C1QTNF3: variants seen among roughly 807,000 people sequenced by gnomAD.
The protein encoded by C1QTNF3 is complement C1q tumor necrosis factor-related protein 3.
A neutral mutation model predicts 32.6 loss-of-function variants in C1QTNF3; 26 were observed. The observed-to-expected ratio is 0.80, with a 90% CI of 0.58 to 1.11. C1QTNF3 has a LOEUF of 1.11. Ranked by LOEUF, C1QTNF3 falls within the 50% of genes least tolerant of loss-of-function variation. The probability of loss-of-function intolerance (pLI) is 0.00; values close to 1 mark genes in which losing one functional copy is unlikely to be tolerated. For missense variants in C1QTNF3, 362 were observed against 398.2 expected (o/e 0.91, Z 0.77); for synonymous variants, 155 against 146.0 (o/e 1.06, Z -0.44).
At chr5:34,155,342 G>A in the C1QTNF3 span, among the ~76,000 whole-genome samples, 1 of 152,236 alleles carries the variant, frequency 6.6e-6, no homozygotes, top group Middle Eastern at 3.4e-3. Context: ...ACTTCTTAAG[G>A]ATAAATAACC....
At chr5:34,056,606 G>A in the C1QTNF3 span, among the ~76,000 whole-genome samples, 32 of 150,936 alleles carry the variant, frequency 2.1e-4, no homozygotes, top group African/African-American at 5.6e-4. Context: ...TTGACCTCCC[G>A]GGCTCAAGTG....
In C1QTNF3 at chr5:34,019,060, G is replaced by A. The variant is rs571228386; in HGVS notation, c.*1523C>T. Among the ~76,000 whole-genome samples, 4 of 152,128 alleles carry A rather than the reference G, an allele frequency of 2.6e-5. No individual in the cohort carries two copies. The highest frequency in any genetic ancestry group is 1.9e-4 in the East Asian group (1 of 5,168). ...GGAGAGTCACTTGAACCCAGGAGGC[G>A]GAGGCTGCGGTGAGCTGAGATCATG... On this transcript the variant is annotated 3_prime_UTR_variant, in exon 6 of 6. Coordinates refer to ENST00000382065, the MANE Select transcript of C1QTNF3 (RefSeq NM_181435.6).
the C1QTNF3 span, among the ~76,000 whole-genome samples, chr5:34,095,146 CTA>C: frequency 6.6e-6 from 1 of 151,862 alleles, no homozygotes; most frequent in African/African-American, 2.4e-5. Flanking sequence ...TTTTTGTGAA[CTA>C]TAGTCACTCT....
In C1QTNF3 at chr5:34,020,618, T is replaced by C. The variant is rs1335792314; in HGVS notation, c.925A>G (p.Thr309Ala). 1 of 1,614,226 alleles carries C rather than the reference T, an allele frequency of 6.2e-7. No homozygotes were observed. Among genetic ancestry groups the C allele is most frequent in the Non-Finnish European group, 8.5e-7 (1 of 1,180,034 alleles). The change falls in exon 6 of 6, where the codon ACC becomes GCC. Residue 309 changes from threonine to alanine, a missense_variant. Thr to Ala is a moderately conservative substitution (Grantham distance 58). Coordinates refer to ENST00000382065, the MANE Select transcript of C1QTNF3 (RefSeq NM_181435.6). Reference protein sequence around the residue: ...ALHGDHQRFSTFAGFLLFETK With the variant: ...ALHGDHQRFSAFAGFLLFETK ...TCAAAGAGCAGGAATCCTGCAAAGG[T>C]GGAGAAGCGTTGGTGGTCCCCATGG...
chr5:34,091,476 T>C, the C1QTNF3 span, among the ~76,000 whole-genome samples: 2 of 152,278 alleles, frequency 1.3e-5, no homozygotes, highest in African/African-American at 2.4e-5. Flanking sequence ...TGTTTTTTAC[T>C]ATTTATAACC....
chr5:34,046,103 C>T (rs1004082315), upstream of C1QTNF3, among the ~76,000 whole-genome samples: 2 of 152,128 alleles, frequency 1.3e-5, no homozygotes, highest in African/African-American at 2.4e-5. Flanking sequence ...AAGAAAAACA[C>T]AATGTAAGTT....
chr5:34,060,067 A>T, the C1QTNF3 span, among the ~76,000 whole-genome samples: 3 of 152,232 alleles, frequency 2.0e-5, no homozygotes, highest in African/African-American at 7.2e-5. Flanking sequence ...AGACACAATC[A>T]GTGCACAGAA....
the C1QTNF3 span, among the ~76,000 whole-genome samples, chr5:34,153,865 A>C: frequency 1.0e-3 from 157 of 150,028 alleles, 1 homozygote; most frequent in Middle Eastern, 3.4e-3. Context: ...AAAAAAAAAA[A>C]AAAAAAAAAA....
the C1QTNF3 span, among the ~76,000 whole-genome samples, chr5:34,203,618 G>A: frequency 1.3e-5 from 2 of 151,474 alleles, no homozygotes; most frequent in Admixed American, 6.6e-5. Flanking sequence ...CCTGCAAGAC[G>A]GAGTTTGCAG....
At chr5:34,235,552 T>C in the C1QTNF3 span, among the ~76,000 whole-genome samples, 31 of 147,948 alleles carry the variant, frequency 2.1e-4, no homozygotes, top group Admixed American at 5.3e-4. Flanking sequence ...TTTTCTTTTT[T>C]TTTTTTTTTT....
At chr5:34,143,327 G>C in the C1QTNF3 span, among the ~76,000 whole-genome samples, 1 of 152,172 alleles carries the variant, frequency 6.6e-6, no homozygotes, top group South Asian at 2.1e-4. Context: ...GGGAGAAAAG[G>C]AGAAAGAATG....
At chr5:34,077,130 G>GT in the C1QTNF3 span, among the ~76,000 whole-genome samples, 1 of 151,436 alleles carries the variant, frequency 6.6e-6, no homozygotes, top group Non-Finnish European at 1.5e-5. Flanking sequence ...TATTACTATT[G>GT]TAACAGTGAC....
At chr5:34,072,351 G>C in the C1QTNF3 span, among the ~76,000 whole-genome samples, 2 of 108,818 alleles carry the variant, frequency 1.8e-5, no homozygotes, top group Non-Finnish European at 4.1e-5. Context: ...ACAGTACCTA[G>C]CAGAAAATTA....
At chr5:34,189,838 G>A in the C1QTNF3 span, among the ~76,000 whole-genome samples, 1 of 152,218 alleles carries the variant, frequency 6.6e-6, no homozygotes, top group African/African-American at 2.4e-5. Context: ...CTGAGTGGCA[G>A]GCCATCCTAC....
chr5:34,021,964 T>C (rs561393977), intron 5 of C1QTNF3, among the ~76,000 whole-genome samples: 1 of 152,304 alleles, frequency 6.6e-6, no homozygotes, highest in South Asian at 2.1e-4. Context: ...TTCAATCAAG[T>C]AGACACAGCT....
the C1QTNF3 span, among the ~76,000 whole-genome samples, chr5:34,141,555 A>G: frequency 1.3e-5 from 2 of 152,300 alleles, no homozygotes; most frequent in South Asian, 2.1e-4. Flanking sequence ...CTTTTTTGAT[A>G]GTAGCCATCA....
the C1QTNF3 span, among the ~76,000 whole-genome samples, chr5:34,157,697 G>A: frequency 6.6e-6 from 1 of 152,286 alleles, no homozygotes; most frequent in South Asian, 2.1e-4. Context: ...GGGACCAAGG[G>A]TTAAGGAATG....
chr5:34,044,809 C>G (rs998281716), upstream of C1QTNF3, among the ~76,000 whole-genome samples: 2 of 152,182 alleles, frequency 1.3e-5, no homozygotes, highest in Non-Finnish European at 2.9e-5. Context: ...ACAAGTCTAC[C>G]CTTGAGCATC....
chr5:34,032,425 A>T (rs986235036), intron 3 of C1QTNF3, among the ~76,000 whole-genome samples: 2 of 152,248 alleles, frequency 1.3e-5, no homozygotes, highest in Non-Finnish European at 2.9e-5. Flanking sequence ...TCTGGTCTGG[A>T]ACACTGAGTG....
Sources: allele counts gnomAD v4.1 joint callset (sites outside exome capture counted in the v4.1 genomes callset), GRCh38; gene constraint gnomAD v4.1.1; transcripts MANE v1.5; gene names NCBI Gene and HGNC (gene_info 2026-07-23, HGNC 2026-07-21).